The following ANKRD28 variants were observed in gnomAD, a reference collection of about 807,000 sequenced individuals.
The protein encoded by ANKRD28 is serine/threonine-protein phosphatase 6 regulatory ankyrin repeat subunit A.
ANKRD28 carries 44 observed loss-of-function variants against 126.5 expected under a neutral mutation model. The ratio of observed to expected loss-of-function variants is 0.35; its 90% confidence interval spans 0.27 to 0.45. The LOEUF is 0.45. Ranked by LOEUF, ANKRD28 falls within the 20% of genes least tolerant of loss-of-function variation. The pLI, the probability that ANKRD28 is intolerant of heterozygous loss-of-function variation, is 1.00. For missense variants in ANKRD28, 1,110 were observed against 1,316.6 expected (o/e 0.84, Z 2.43); for synonymous variants, 442 against 468.5 (o/e 0.94, Z 0.73).
chr3:15,754,589 T>C (rs891750104), intron 3 of ANKRD28, among the ~76,000 whole-genome samples: 6 of 152,122 alleles, frequency 3.9e-5, no homozygotes, highest in African/African-American at 1.4e-4. Flanking sequence ...GCATAGTATA[T>C]AGGGTTCAGT....
At position 15,850,575 on chromosome 3, in the gene ANKRD28, G is replaced by A. The variant is rs145255227; in HGVS notation, c.27+8802C>T. On this transcript the variant is annotated intron_variant, in intron 1 of 27. Coordinates refer to the ANKRD28 transcript ENST00000399451. ...CCAACCTTTGCCTCCATCTTTACAT[G>A]GCCTTCTCACCTACTGTCTCTGTCT... Among the ~76,000 whole-genome samples the A allele has an allele frequency of 5.3e-5, 8 of 151,956 alleles. No individual in the cohort carries two copies. The East Asian group carries it at 1.6e-3, about 30-fold the overall frequency.
In ANKRD28 at chr3:15,685,215, G is replaced by A; in HGVS notation, c.2389+11C>T. On this transcript the variant is annotated intron_variant, in intron 21 of 27. Coordinates refer to ENST00000683139, the MANE Select transcript of ANKRD28 (RefSeq NM_001349278.2). Reference sequence around the variant, plus strand: ...TACACAATGATATGCATTTGTGTTTGTATACTTAACCATTGTAGCAAGCCC... The same window carrying A: ...TACACAATGATATGCATTTGTGTTTATATACTTAACCATTGTAGCAAGCCC... 1 of 1,611,546 alleles carries A rather than the reference G, an allele frequency of 6.2e-7. No homozygotes were observed. The highest frequency in any genetic ancestry group is 8.5e-7 in the Non-Finnish European group (1 of 1,177,824).
intron 1 of ANKRD28, among the ~76,000 whole-genome samples, chr3:15,818,935 C>A (rs930569278): frequency 2.0e-5 from 3 of 151,974 alleles, no homozygotes; most frequent in Non-Finnish European, 4.4e-5. Context: ...ATTAGAAAAA[C>A]CAAAGCAATT....
chr3:15,749,095 GTTTT>G (rs1357402514), intron 4 of ANKRD28, among the ~76,000 whole-genome samples: 1 of 106,994 alleles, frequency 9.3e-6, no homozygotes, highest in Non-Finnish European at 1.8e-5. Context: ...TCTATATTAT[GTTTT>G]TGTTTTTTTT....
Position 15,812,153 on chromosome 3 carries a change from A to G in ANKRD28, c.28-16847T>C, listed in dbSNP as rs746152180. On this transcript the variant is annotated intron_variant, in intron 1 of 27. Transcript: ENST00000399451. The surrounding 1 kb of genome is among the most constrained non-coding windows in gnomAD (Gnocchi z 4.1). ...GGGCAACAGAGTGAGACTCTGGCAA[A>G]CAAAACAAAACAAAACAAAACGAAA... Among the ~76,000 whole-genome samples, 2 of 146,002 alleles carry G rather than the reference A, an allele frequency of 1.4e-5. No homozygotes were observed. Among genetic ancestry groups the G allele is most frequent in the African/African-American group, 2.6e-5 (1 of 38,602 alleles).
chr3:15,790,583 ATT>A (rs1259763945), intron 2 of ANKRD28, among the ~76,000 whole-genome samples: 16 of 152,148 alleles, frequency 1.1e-4, no homozygotes, highest in Non-Finnish European at 2.2e-4. Context: ...TGATTAAAAA[ATT>A]CAATATCCCT....
intron 8 of ANKRD28, among the ~76,000 whole-genome samples, chr3:15,719,251 A>T (rs2073426018): frequency 6.6e-6 from 1 of 152,146 alleles, no homozygotes; most frequent in South Asian, 2.1e-4. Flanking sequence ...GTCAGAATTG[A>T]CCCGTGGCAT....
rs749441927 is a variant in ANKRD28 at position 15,714,560 on chromosome 3, A to C, written c.1075+18T>G. On this transcript the variant is annotated intron_variant, in intron 9 of 27. Transcript: ENST00000683139. ...AAAAAAAAAAAAACCCCAAAAAAAA[A>C]ACAGAAATACTTTTTACCACTCTGG... is the stretch of plus-strand genomic sequence containing the variant. The C allele has an allele frequency of 1.4e-5, 22 of 1,558,952 alleles. No individual in the cohort carries two copies. Among genetic ancestry groups the C allele is most frequent in the South Asian group, 2.5e-5 (2 of 80,452 alleles).
chr3:15,804,215 G>GTACAAGA (rs139219756), intron 1 of ANKRD28, among the ~76,000 whole-genome samples: 75,624 of 142,814 alleles, frequency 0.53, 25,864 homozygotes, highest in East Asian at 0.73. Context: ...AATCTAACCA[G>GTACAAGA]TACAAGATAA....
chr3:15,676,018 C>T (rs758892965), intron 26 of ANKRD28, 29 bp from the exon 27 acceptor site: 10 of 1,579,808 alleles, frequency 6.3e-6, no homozygotes, highest in African/African-American at 1.3e-5. Context: ...TACATGTACA[C>T]ATATGTGCAT....
At chr3:15,805,770 T>C (rs2060564176) in intron 1 of ANKRD28, among the ~76,000 whole-genome samples, 1 of 152,182 alleles carries the variant, frequency 6.6e-6, no homozygotes, top group Non-Finnish European at 1.5e-5. Flanking sequence ...GGAGAAAATT[T>C]TCAGTTTTAA....
chr3:15,837,383 T>TC (rs2061348598), intron 1 of ANKRD28, among the ~76,000 whole-genome samples: 1 of 151,994 alleles, frequency 6.6e-6, no homozygotes, highest in Non-Finnish European at 1.5e-5. Context: ...CCAAAATAGA[T>TC]CACATGCTAG....
intron 2 of ANKRD28, among the ~76,000 whole-genome samples, chr3:15,777,116 T>C (rs907189286): frequency 1.3e-5 from 2 of 151,440 alleles, no homozygotes; most frequent in Admixed American, 1.3e-4. Flanking sequence ...TCTACAAAAA[T>C]ACAAAAAATT....
intron 1 of ANKRD28, among the ~76,000 whole-genome samples, chr3:15,813,106 G>A (rs1388431946): frequency 2.1e-5 from 3 of 143,826 alleles, no homozygotes; most frequent in African/African-American, 7.8e-5. Context: ...GCTCAGGCCT[G>A]TAATCCTAGC....
intron 4 of ANKRD28, among the ~76,000 whole-genome samples, chr3:15,741,518 G>C (rs2075470916): frequency 6.6e-6 from 1 of 151,992 alleles, no homozygotes. Flanking sequence ...AATGCTGCTG[G>C]TGTGTCTTGA....
chr3:15,859,402 A>T (rs2061855419), exon 1 of ANKRD28: 1 of 1,527,216 alleles, frequency 6.5e-7, no homozygotes, highest in Non-Finnish European at 8.8e-7. Context: ...GAGGAACGCC[A>T]TGGCGGTCGC....
chr3:15,769,112 T>C (rs2058880254), intron 2 of ANKRD28, among the ~76,000 whole-genome samples: 1 of 152,158 alleles, frequency 6.6e-6, no homozygotes, highest in Non-Finnish European at 1.5e-5. Context: ...GAAACATCTA[T>C]TGCACCAGAT....
intron 3 of ANKRD28, among the ~76,000 whole-genome samples, chr3:15,758,421 C>A (rs1277093941): frequency 1.3e-5 from 2 of 152,064 alleles, no homozygotes; most frequent in African/African-American, 4.8e-5. Context: ...GTTGTGGATA[C>A]CAGCTATTGT....
intron 14 of ANKRD28, among the ~76,000 whole-genome samples, chr3:15,700,645 G>A (rs1428761648): frequency 1.3e-5 from 2 of 151,902 alleles, no homozygotes; most frequent in African/African-American, 2.4e-5. Flanking sequence ...GTGGTGGCGG[G>A]CGCCTGTAGT....
Sources: allele counts gnomAD v4.1 joint callset (sites outside exome capture counted in the v4.1 genomes callset), GRCh38; gene constraint gnomAD v4.1.1; non-coding constraint Gnocchi (gnomAD v3.1); transcripts MANE v1.5; gene names NCBI Gene and HGNC (gene_info 2026-07-23, HGNC 2026-07-21).